CFAP47: variants seen among roughly 807,000 people sequenced by gnomAD.
CFAP47 encodes the protein cilia- and flagella-associated protein 47.
CFAP47 carries 29 observed loss-of-function variants against 148.1 expected under a neutral mutation model. That is an observed-to-expected ratio of 0.20 (90% CI 0.15 to 0.27). CFAP47 has a LOEUF of 0.27. CFAP47 is among the 10% of genes least tolerant of loss of function. The pLI, the probability that CFAP47 is intolerant of heterozygous loss-of-function variation, is 1.00. For synonymous variants in CFAP47, 664 were observed against 577.3 expected (o/e 1.15, Z -2.15); for missense variants, 1,872 against 1,697.5 (o/e 1.10, Z -1.81).
At chrX:36,086,304 C>A (rs1469105769) in intron 30 of CFAP47, among the ~76,000 whole-genome samples, 1 of 112,106 alleles carries the variant, frequency 8.9e-6, no homozygotes, top group Non-Finnish European at 1.9e-5. Context: ...ACTGAAACAT[C>A]CCACATCCAT....
chrX:35,924,460 G>GTGCACCTATATGTGTATATAT (rs1569202172), intron 1 of CFAP47, among the ~76,000 whole-genome samples: 5 of 100,900 alleles, frequency 5.0e-5, no homozygotes, highest in African/African-American at 1.9e-4. Context: ...TGTGTATATA[G>GTGCACCTATATGTGTATATAT]GTGCACCTAT....
intron 33 of CFAP47, among the ~76,000 whole-genome samples, chrX:36,130,081 A>C (rs1938918611): frequency 1.8e-5 from 2 of 111,421 alleles, no homozygotes; most frequent in Non-Finnish European, 3.8e-5. Flanking sequence ...TTAAAAAGTC[A>C]AATGTAAAAG....
intron 57 of CFAP47, among the ~76,000 whole-genome samples, chrX:36,330,517 T>C (rs781788656): frequency 8.9e-6 from 1 of 111,921 alleles, no homozygotes; most frequent in Admixed American, 9.5e-5. Flanking sequence ...CCAAATTAAG[T>C]CACATGGTTA....
intron 22 of CFAP47, among the ~76,000 whole-genome samples, chrX:36,016,223 A>G (rs1426764323): frequency 9.0e-6 from 1 of 110,587 alleles, no homozygotes; most frequent in Non-Finnish European, 1.9e-5. Flanking sequence ...CTGTTGTGCT[A>G]GCTAATACTA....
intron 33 of CFAP47, among the ~76,000 whole-genome samples, chrX:36,113,170 G>A (rs1938581848): frequency 8.9e-6 from 1 of 111,734 alleles, no homozygotes; most frequent in Admixed American, 9.5e-5. Context: ...TTGTTTGTGT[G>A]GTTGCTTTAT....
chrX:36,249,737 A>G (rs1940667568), intron 48 of CFAP47, among the ~76,000 whole-genome samples: 1 of 111,464 alleles, frequency 9.0e-6, no homozygotes, highest in Non-Finnish European at 1.9e-5. Context: ...AGTTTTCCTT[A>G]GGATTATAGC....
At chrX:36,285,380 TGAG>T (rs1941121908) in intron 50 of CFAP47, among the ~76,000 whole-genome samples, 1 of 111,985 alleles carries the variant, frequency 8.9e-6, no homozygotes, top group Non-Finnish European at 1.9e-5. Context: ...AAGAACTTAA[TGAG>T]TTACTGGCAT....
chrX:36,332,916 T>C (rs1224541452), intron 57 of CFAP47, among the ~76,000 whole-genome samples: 1 of 112,182 alleles, frequency 8.9e-6, no homozygotes, highest in East Asian at 2.8e-4. Flanking sequence ...CAGCAAAGTA[T>C]ATACATAGGT....
At chrX:36,130,008 G>C (rs1443011899) in intron 33 of CFAP47, among the ~76,000 whole-genome samples, 4 of 111,340 alleles carry the variant, frequency 3.6e-5, no homozygotes, top group Non-Finnish European at 7.6e-5. Flanking sequence ...TTAGTAATTT[G>C]GGAAATGCAC....
chrX:36,077,464 C>G (rs900099480), intron 29 of CFAP47, among the ~76,000 whole-genome samples: 3 of 107,589 alleles, frequency 2.8e-5, no homozygotes, highest in Non-Finnish European at 5.7e-5. Context: ...TTTTATAGAT[C>G]TCCTTGTATA....
At chrX:36,369,403 G>A (rs1556020926) in intron 62 of CFAP47, among the ~76,000 whole-genome samples, 1 of 110,465 alleles carries the variant, frequency 9.1e-6, no homozygotes, top group Non-Finnish European at 1.9e-5. Context: ...TGTTCTAAGG[G>A]CATAATTATA....
At chrX:36,026,666 A>G (rs1356167741) in intron 22 of CFAP47, among the ~76,000 whole-genome samples, 2 of 110,582 alleles carry the variant, frequency 1.8e-5, no homozygotes, top group Non-Finnish European at 3.8e-5. Context: ...TGCTCCATAA[A>G]TTCATAAATT....
At chrX:36,007,416 C>G in intron 21 of CFAP47, among the ~76,000 whole-genome samples, 1 of 112,299 alleles carries the variant, frequency 8.9e-6, no homozygotes, top group Admixed American at 9.4e-5. Flanking sequence ...ATTAGAATAT[C>G]CTTTTCAATT....
At chrX:36,288,999 C>CTTTTTTTTTTT (rs34230885) in intron 51 of CFAP47, among the ~76,000 whole-genome samples, 19 of 66,388 alleles carry the variant, frequency 2.9e-4, no homozygotes, top group Non-Finnish European at 4.2e-4. Flanking sequence ...TTCTTTCATC[C>CTTTTTTTTTTT]TTTTTTTTTT....
chrX:36,189,918 T>G (rs782087860), intron 41 of CFAP47, 133 bp from the exon 42 acceptor site: 4 of 281,182 alleles, frequency 1.4e-5, no homozygotes, highest in African/African-American at 1.1e-4. Flanking sequence ...GTATTTTCAT[T>G]AACAAATGTA....
At chrX:36,008,922 C>T (rs997654290) in intron 21 of CFAP47, among the ~76,000 whole-genome samples, 9 of 111,446 alleles carry the variant, frequency 8.1e-5, no homozygotes, top group South Asian at 3.7e-4. Flanking sequence ...TCCTGGTCAC[C>T]GCCAGCTAGA....
chrX:36,257,672 C>T (rs1335648738), intron 49 of CFAP47, among the ~76,000 whole-genome samples: 6 of 111,219 alleles, frequency 5.4e-5, no homozygotes, highest in African/African-American at 1.3e-4. Flanking sequence ...ATTTACCTGC[C>T]TTGGGTTCCC....
chrX:36,367,671 A>G (rs1941891945), intron 62 of CFAP47, among the ~76,000 whole-genome samples: 1 of 111,624 alleles, frequency 9.0e-6, no homozygotes, highest in South Asian at 3.6e-4. Context: ...GTTTTTAATT[A>G]TAGGATTTGT....
intron 48 of CFAP47, among the ~76,000 whole-genome samples, chrX:36,241,478 C>T (rs1189377153): frequency 8.9e-6 from 1 of 111,890 alleles, no homozygotes; most frequent in African/African-American, 3.3e-5. Context: ...ACCTGCCTGG[C>T]TGCCCCACAG....
Sources: allele counts gnomAD v4.1 joint callset (sites outside exome capture counted in the v4.1 genomes callset), GRCh38; gene constraint gnomAD v4.1.1; transcripts MANE v1.5; gene names NCBI Gene and HGNC (gene_info 2026-07-23, HGNC 2026-07-21).